The following NAMPT variants were observed in gnomAD, a reference collection of about 807,000 sequenced individuals.
The protein encoded by NAMPT is NAmPRTase.
A neutral mutation model predicts 58.7 loss-of-function variants in NAMPT; 7 were observed. That is an observed-to-expected ratio of 0.12 (90% CI 0.07 to 0.22). The LOEUF is 0.22. Ranked by LOEUF, NAMPT falls within the 10% of genes least tolerant of loss-of-function variation. The pLI, the probability that NAMPT is intolerant of heterozygous loss-of-function variation, is 1.00. For missense variants in NAMPT, 271 were observed against 567.9 expected (o/e 0.48, Z 5.31); for synonymous variants, 145 against 198.1 (o/e 0.73, Z 2.25).
At chr7:106,273,458 G>C (rs1792575995) in intron 3 of NAMPT, among the ~76,000 whole-genome samples, 1 of 152,172 alleles carries the variant, frequency 6.6e-6, no homozygotes, top group South Asian at 2.1e-4. Context: ...TACAAGCACT[G>C]GAGGCACAGT....
intron 3 of NAMPT, 26 bp downstream of exon 3, chr7:106,274,920 G>C: frequency 6.8e-7 from 1 of 1,469,610 alleles, no homozygotes; most frequent in Non-Finnish European, 9.4e-7. Flanking sequence ...AACCAAAACA[G>C]ATCAAAAGAT....
chr7:106,263,953 G>A (rs1297460661), intron 6 of NAMPT, among the ~76,000 whole-genome samples: 3 of 152,028 alleles, frequency 2.0e-5, no homozygotes, highest in African/African-American at 4.8e-5. Flanking sequence ...AGCACTTGCT[G>A]AGTGCCCTTT....
At chr7:106,276,741 C>G (rs1166897185) in intron 2 of NAMPT, 1 of 308,422 alleles carries the variant, frequency 3.2e-6, no homozygotes, top group Admixed American at 4.4e-5. Flanking sequence ...ACTCGGGAGG[C>G]AGAGGCAGGA....
intron 3 of NAMPT, among the ~76,000 whole-genome samples, chr7:106,273,680 A>G (rs1792579726): frequency 1.3e-5 from 2 of 152,226 alleles, no homozygotes; most frequent in South Asian, 4.1e-4. Context: ...CAGTATAGTA[A>G]TAAGCATAGT....
chr7:106,267,207 T>C (rs757941576), intron 6 of NAMPT, among the ~76,000 whole-genome samples: 5 of 152,228 alleles, frequency 3.3e-5, no homozygotes, highest in African/African-American at 4.8e-5. Context: ...TTCCTCTCCT[T>C]CCCTTGCAAC....
intron 1 of NAMPT, among the ~76,000 whole-genome samples, chr7:106,278,995 CGAA>C (rs1211571539): frequency 6.6e-6 from 1 of 152,106 alleles, no homozygotes; most frequent in Non-Finnish European, 1.5e-5. Flanking sequence ...TCTGAGAAGA[CGAA>C]GAGTCAAAAG....
At chr7:106,260,015 C>A (rs1792276149) in intron 8 of NAMPT, among the ~76,000 whole-genome samples, 1 of 151,846 alleles carries the variant, frequency 6.6e-6, no homozygotes, top group Non-Finnish European at 1.5e-5. Context: ...GTAGATTCAG[C>A]AAATTCTAAG....
intron 4 of NAMPT, chr7:106,272,102 C>A: frequency 2.6e-6 from 1 of 388,258 alleles, no homozygotes; most frequent in Non-Finnish European, 5.2e-6. Context: ...ATCCTAAGAC[C>A]TAAACTGATG....
intron 6 of NAMPT, among the ~76,000 whole-genome samples, chr7:106,264,970 T>C (rs897435205): frequency 4.6e-5 from 7 of 152,132 alleles, no homozygotes; most frequent in East Asian, 1.9e-4. Flanking sequence ...CATTTCAAGA[T>C]TGTAAAGACT....
At chr7:106,267,872 A>AAC (rs1792454974) in intron 6 of NAMPT, among the ~76,000 whole-genome samples, 2 of 136,200 alleles carry the variant, frequency 1.5e-5, no homozygotes, top group African/African-American at 2.9e-5. Context: ...AAAAAAAAAA[A>AAC]AAAACAACCT....
intron 6 of NAMPT, chr7:106,268,205 A>G (rs1267063392): frequency 3.6e-6 from 1 of 276,700 alleles, no homozygotes; most frequent in Non-Finnish European, 6.8e-6. Flanking sequence ...AATTGAAAAA[A>G]AATTCCTTAA....
chr7:106,254,156 C>G (rs1792153674), intron 9 of NAMPT, among the ~76,000 whole-genome samples: 1 of 152,032 alleles, frequency 6.6e-6, no homozygotes, highest in Admixed American at 6.6e-5. Context: ...CCTTATTGTT[C>G]TTCCTTTTTC....
chr7:106,285,409 G>C, upstream of NAMPT: 6 of 523,218 alleles, frequency 1.1e-5, no homozygotes, highest in Non-Finnish European at 1.5e-5. Flanking sequence ...CGGTTCGCCC[G>C]CCCCGCCTGG....
chr7:106,259,105 A>G (rs1225375174), intron 8 of NAMPT, among the ~76,000 whole-genome samples: 1 of 152,146 alleles, frequency 6.6e-6, no homozygotes, highest in South Asian at 2.1e-4. Context: ...TGCCAGCAGT[A>G]GATTTCATCT....
At chr7:106,276,107 G>A (rs1290660023) in intron 2 of NAMPT, 1 of 152,128 alleles carries the variant, frequency 6.6e-6, no homozygotes, top group Non-Finnish European at 1.5e-5. Flanking sequence ...TATCTAGCTA[G>A]GTTTTCAGTA....
intron 1 of NAMPT, among the ~76,000 whole-genome samples, chr7:106,279,087 C>G (rs998135182): frequency 6.6e-6 from 1 of 152,188 alleles, no homozygotes; most frequent in South Asian, 2.1e-4. Flanking sequence ...TGTACAAATA[C>G]AGCTCCAGTT....
At chr7:106,282,170 A>G (rs1792778363) in intron 1 of NAMPT, among the ~76,000 whole-genome samples, 1 of 152,102 alleles carries the variant, frequency 6.6e-6, no homozygotes, top group South Asian at 2.1e-4. Flanking sequence ...AGTGAAAGAC[A>G]AGCAACAAAA....
At chr7:106,264,119 G>C (rs968252060) in intron 6 of NAMPT, among the ~76,000 whole-genome samples, 34 of 152,026 alleles carry the variant, frequency 2.2e-4, no homozygotes, top group Admixed American at 2.0e-3. Context: ...CTTATACTTA[G>C]AGGCAATTAT....
At chr7:106,267,713 C>T (rs1281540307) in intron 6 of NAMPT, among the ~76,000 whole-genome samples, 7 of 148,594 alleles carry the variant, frequency 4.7e-5, no homozygotes, top group African/African-American at 9.9e-5. Context: ...TAGTGGCGGG[C>T]GCCTGTAGTC....
Sources: gnomAD v4.1 joint callset for allele counts (sites outside exome capture counted in the v4.1 genomes callset) on GRCh38, gnomAD v4.1.1 for gene constraint, MANE v1.5 for transcripts, NCBI Gene and HGNC (gene_info 2026-07-23, HGNC 2026-07-21) for gene names.